Variants in MACROD2 observed in about 807,000 individuals in gnomAD.
The protein encoded by MACROD2 is mono-ADP ribosylhydrolase 2.
A neutral mutation model predicts 70.4 loss-of-function variants in MACROD2; 36 were observed. The observed-to-expected ratio is 0.51, with a 90% CI of 0.39 to 0.68. The LOEUF is 0.68. MACROD2 is among the 30% of genes least tolerant of loss of function. The pLI, the probability that MACROD2 is intolerant of heterozygous loss-of-function variation, is 0.00. For synonymous variants in MACROD2, 172 were observed against 178.8 expected, an observed-to-expected ratio of 0.96 and a Z score of 0.30; for missense variants, 496 against 538.4, an observed-to-expected ratio of 0.92 and a Z score of 0.78.
intron 8 of MACROD2, among the ~76,000 whole-genome samples, chr20:15,584,891 ACTATAAC>A (rs2048576232): frequency 6.6e-6 from 1 of 152,194 alleles, no homozygotes; most frequent in African/African-American, 2.4e-5. Flanking sequence ...CATGCCAGTG[ACTATAAC>A]CTTCATAGTC....
At chr20:14,274,911 T>A (rs6042640) in intron 3 of MACROD2, among the ~76,000 whole-genome samples, 95,969 of 150,248 alleles carry the variant, frequency 0.64, 32,141 homozygotes, top group Non-Finnish European at 0.75. Flanking sequence ...CTTCAAAGAG[T>A]ATAAAATACC....
intron 6 of MACROD2, among the ~76,000 whole-genome samples, chr20:15,244,557 T>A (rs1267723339): frequency 3.9e-5 from 6 of 152,242 alleles, no homozygotes; most frequent in Non-Finnish European, 5.9e-5. Flanking sequence ...TGCTGTTTTT[T>A]ATGGTTGAAT....
chr20:15,885,765 C>A lies in MACROD2; in HGVS notation c.729C>A (p.Asp243Glu), dbSNP rs374819973. Residue 243 changes from aspartate (D) to glutamate (E), a missense_variant and splice_region_variant, in exon 10 of 18, where the codon GAC becomes GAA. Coordinates refer to ENST00000684519, the MANE Select transcript of MACROD2 (RefSeq NM_001351661.2). Reference sequence around the variant, plus strand: ...TTATGTTTTCCTATTTTTTAACAGACGATAATAATGAAGAAGAAGAGGATG... The same window carrying A: ...TTATGTTTTCCTATTTTTTAACAGAAGATAATAATGAAGAAGAAGAGGATG... ...KKKMNEFFSV[D>E]DNNEEEEDVE... 5 of 1,472,808 alleles carry A rather than the reference C, an allele frequency of 3.4e-6. No individual in the cohort carries two copies. The highest frequency in any genetic ancestry group is 2.7e-5 in the Admixed American group (1 of 37,232). 91.2% of individuals were successfully genotyped at this position (1,472,808 alleles called of 1,614,324 possible). A position where few individuals can be genotyped will look rare whatever the true frequency, so the allele number is the denominator to read the frequency against.
chr20:15,765,481 G>A (rs1180866290), intron 8 of MACROD2, among the ~76,000 whole-genome samples: 2 of 152,174 alleles, frequency 1.3e-5, no homozygotes, highest in African/African-American at 4.8e-5. Context: ...ATTGAACGGT[G>A]TATTGTTCAG....
intron 5 of MACROD2, among the ~76,000 whole-genome samples, chr20:15,064,569 G>C (rs408961): frequency 0.56 from 85,686 of 151,972 alleles, 26,081 homozygotes; most frequent in South Asian, 0.76. Context: ...AAGTAACTTC[G>C]CATTTTTCAT....
intron 8 of MACROD2, among the ~76,000 whole-genome samples, chr20:15,858,911 G>C (rs2147158429): frequency 6.6e-6 from 1 of 152,288 alleles, no homozygotes; most frequent in Middle Eastern, 3.4e-3. Context: ...AACAATGTGA[G>C]GGTGAGTGGT....
At chr20:14,233,130 C>T (rs1458437111) in intron 3 of MACROD2, among the ~76,000 whole-genome samples, 1 of 151,812 alleles carries the variant, frequency 6.6e-6, no homozygotes, top group East Asian at 1.9e-4. Flanking sequence ...TCATGGTGCC[C>T]CAAGACAATT....
At chr20:14,130,928 TTG>T (rs1455201268) in intron 3 of MACROD2, among the ~76,000 whole-genome samples, 1,378 of 121,002 alleles carry the variant, frequency 0.011, 21 homozygotes, top group African/African-American at 0.048. Context: ...TGTGTTTTTT[TTG>T]TTTTTTTTTT....
intron 3 of MACROD2, among the ~76,000 whole-genome samples, chr20:14,190,959 G>A (rs1331391106): frequency 1.3e-5 from 2 of 151,478 alleles, no homozygotes; most frequent in Admixed American, 1.3e-4. Flanking sequence ...CGCCCGCCTC[G>A]GCCTCCCAAA....
intron 3 of MACROD2, among the ~76,000 whole-genome samples, chr20:14,132,680 C>A (rs141098097): frequency 3.2e-3 from 488 of 152,038 alleles, no homozygotes; most frequent in East Asian, 0.011. Flanking sequence ...CTCTGGTGCC[C>A]AGGCTGGAGT....
At chr20:15,099,069 C>T (rs1370718711) in intron 5 of MACROD2, among the ~76,000 whole-genome samples, 1 of 152,146 alleles carries the variant, frequency 6.6e-6, no homozygotes, top group Non-Finnish European at 1.5e-5. Flanking sequence ...TCACAAAGTT[C>T]ATGTAATACA....
chr20:14,876,755 T>A (rs2073555584), intron 5 of MACROD2, among the ~76,000 whole-genome samples: 1 of 152,078 alleles, frequency 6.6e-6, no homozygotes, highest in Non-Finnish European at 1.5e-5. Flanking sequence ...TCAACTTTGT[T>A]GTATGTCAAA....
At chr20:15,902,104 G>T (rs2065072600) in intron 10 of MACROD2, among the ~76,000 whole-genome samples, 1 of 152,240 alleles carries the variant, frequency 6.6e-6, no homozygotes, top group Admixed American at 6.5e-5. Context: ...ATGGAATTCA[G>T]TGTGCATGAG....
chr20:15,758,302 G>C (rs1292413860), intron 8 of MACROD2, among the ~76,000 whole-genome samples: 1 of 149,438 alleles, frequency 6.7e-6, no homozygotes, highest in East Asian at 2.0e-4. Context: ...GTAGTGGCGG[G>C]ATCTTGGCTC....
chr20:15,213,794 C>G (rs544227927), intron 5 of MACROD2, among the ~76,000 whole-genome samples: 2 of 152,126 alleles, frequency 1.3e-5, no homozygotes, highest in Non-Finnish European at 2.9e-5. Context: ...GGAAGGATGT[C>G]AGAAAGCCAC....
chr20:15,893,778 G>C (rs1239324529), intron 10 of MACROD2: 4 of 456,746 alleles, frequency 8.8e-6, no homozygotes, highest in Admixed American at 4.7e-5. Context: ...GAAATGAAGA[G>C]TGTAATAATA....
rs538072260 is a variant in MACROD2, at chr20:15,725,441, A to G, written c.646-137304A>G. ...CTTGCATGTTAACCTTGTCTCCTAC[A>G]AATTTGCTATAATCACTTGTTAGTT... On this transcript the variant is annotated intron_variant, in intron 8 of 17. Coordinates refer to ENST00000684519, the MANE Select transcript of MACROD2 (RefSeq NM_001351661.2). Among the ~76,000 whole-genome samples, 501 of 152,308 alleles carry G rather than the reference A, an allele frequency of 3.3e-3. 2 individuals are homozygous for G. Among genetic ancestry groups the G allele is most frequent in the African/African-American group, 0.011 (458 of 41,566 alleles).
intron 5 of MACROD2, among the ~76,000 whole-genome samples, chr20:15,222,533 CTAAAA>C (rs1175300330): frequency 2.0e-5 from 3 of 152,128 alleles, no homozygotes; most frequent in Non-Finnish European, 2.9e-5. Flanking sequence ...GGTTGTATCT[CTAAAA>C]AAGAAAATCA....
chr20:14,439,221 G>T (rs769155571), intron 3 of MACROD2, among the ~76,000 whole-genome samples: 1 of 151,840 alleles, frequency 6.6e-6, no homozygotes, highest in Non-Finnish European at 1.5e-5. Context: ...TGTAAGTTCG[G>T]GTTTACTTTT....
Sources: allele counts gnomAD v4.1 joint callset (sites outside exome capture counted in the v4.1 genomes callset), GRCh38; gene constraint gnomAD v4.1.1; transcripts MANE v1.5; gene names NCBI Gene and HGNC (gene_info 2026-07-23, HGNC 2026-07-21).